Variants in TMED10 observed in about 807,000 individuals in gnomAD.
TMED10 encodes the protein transmembrane emp24 domain-containing protein 10.
A neutral mutation model predicts 23.1 loss-of-function variants in TMED10; 7 were observed. The observed-to-expected ratio is 0.30, with a 90% CI of 0.17 to 0.57. The LOEUF (loss-of-function observed/expected upper bound fraction) is 0.57, where lower values mean the gene tolerates loss of function less well. TMED10 is among the 20% of genes least tolerant of loss of function. The pLI, the probability that TMED10 is intolerant of heterozygous loss-of-function variation, is 0.91. For missense variants in TMED10, 162 were observed against 274.8 expected (o/e 0.59, Z 2.90); for synonymous variants, 113 against 106.9 (o/e 1.06, Z -0.35).
intron 1 of TMED10, among the ~76,000 whole-genome samples, chr14:75,162,281 C>G (rs1896094861): frequency 6.6e-6 from 1 of 151,922 alleles, no homozygotes; most frequent in South Asian, 2.1e-4. Flanking sequence ...AACAAACAAA[C>G]AAAAATGAAA....
chr14:75,155,469 T>C (rs1896010060), intron 1 of TMED10, among the ~76,000 whole-genome samples: 1 of 152,216 alleles, frequency 6.6e-6, no homozygotes, highest in South Asian at 2.1e-4. Context: ...TAGACATTTG[T>C]ATGGGGTGAT....
At chr14:75,142,036 G>A (rs140595979) in intron 3 of TMED10, among the ~76,000 whole-genome samples, 231 of 152,280 alleles carry the variant, frequency 1.5e-3, no homozygotes, top group African/African-American at 5.3e-3. Flanking sequence ...TTCTGCTCTT[G>A]TAAGCAGTTG....
At chr14:75,155,173 G>A (rs961775560) in intron 1 of TMED10, among the ~76,000 whole-genome samples, 56 of 152,156 alleles carry the variant, frequency 3.7e-4, no homozygotes, top group African/African-American at 1.3e-3. Flanking sequence ...TGGCCAGGCT[G>A]GTCTCCAACT....
rs879241926 is a variant in TMED10 at position 75,147,469 on chromosome 14, C to T, written c.411+195G>A. 2.8e-5 allele frequency: 18 copies of T among 646,356 alleles called. 1 individual carries two copies. The highest frequency in any genetic ancestry group is 4.3e-4 in the Middle Eastern group (1 of 2,340). 40.0% of individuals were successfully genotyped at this position (646,356 alleles called of 1,614,324 possible). ...TTGGCCTCCCAAAGTGCTGGGATTACAGGAGTGAGCCACCGCGCCCGGCTA... is the reference window on the plus strand; with the variant it reads ...TTGGCCTCCCAAAGTGCTGGGATTATAGGAGTGAGCCACCGCGCCCGGCTA... On this transcript the variant is annotated intron_variant, in intron 3 of 4. Transcript: ENST00000303575.
rs1412681250 is a variant in TMED10, at chr14:75,131,939, T to C, written c.*2946A>G. On this transcript the variant is annotated 3_prime_UTR_variant, in exon 5 of 5. Transcript: ENST00000303575. ...AAAGCATCAACGAAATAAAATATTCTCTTCTCCTATCTTCTTGACATTTTG... is the reference window on the plus strand; with the variant it reads ...AAAGCATCAACGAAATAAAATATTCCCTTCTCCTATCTTCTTGACATTTTG... The C allele has an allele frequency of 6.6e-6, 1 of 152,534 alleles. No homozygotes were observed. The highest frequency in any genetic ancestry group is 1.5e-5 in the Non-Finnish European group (1 of 68,044). The allele number at this position is 152,534 out of a possible 1,614,324, so 9.4% of individuals were successfully genotyped here.
intron 1 of TMED10, among the ~76,000 whole-genome samples, chr14:75,172,277 T>C (rs975113700): frequency 2.0e-5 from 3 of 151,902 alleles, no homozygotes; most frequent in Non-Finnish European, 2.9e-5. Context: ...AGTGGGATCA[T>C]ACTATATGGA....
intron 3 of TMED10, among the ~76,000 whole-genome samples, chr14:75,146,908 C>CAGATAGATAGAT (rs35810783): frequency 0.059 from 8,771 of 149,526 alleles, 307 homozygotes; most frequent in East Asian, 0.16. Flanking sequence ...ATCCATGCCC[C>CAGATAGATAGAT]AGATAGATAG....
intron 3 of TMED10, among the ~76,000 whole-genome samples, chr14:75,145,182 T>C (rs556289829): frequency 3.3e-5 from 5 of 152,158 alleles, no homozygotes; most frequent in African/African-American, 1.2e-4. Flanking sequence ...TGTAACTACA[T>C]GCGTAAAGGC....
chr14:75,144,573 C>A (rs540847766), intron 3 of TMED10, among the ~76,000 whole-genome samples: 3 of 152,260 alleles, frequency 2.0e-5, no homozygotes, highest in South Asian at 4.1e-4. Context: ...AATTACTATT[C>A]AATCTTACAG....
Position 75,134,113 on chromosome 14 carries a change from T to C in TMED10, c.*772A>G, listed in dbSNP as rs1895719265. 1 of 167,844 alleles carries C rather than the reference T, an allele frequency of 6.0e-6. No individual in the cohort carries two copies. Among genetic ancestry groups the C allele is most frequent in the African/African-American group, 2.4e-5 (1 of 41,516 alleles). The allele number at this position is 167,844 out of a possible 1,614,324, so 10.4% of individuals were successfully genotyped here. On this transcript the variant is annotated 3_prime_UTR_variant, in exon 5 of 5. Transcript: ENST00000303575. ...GGGGTGAGGGTATAAGAAAGGGATG[T>C]GGCTGCGGCTGTAAAAGGGCAGTGC...
At chr14:75,146,588 C>T (rs903500467) in intron 3 of TMED10, among the ~76,000 whole-genome samples, 37 of 152,036 alleles carry the variant, frequency 2.4e-4, no homozygotes, top group African/African-American at 8.9e-4. Context: ...TCAAAGGTGC[C>T]CTTCATTTGA....
At chr14:75,137,009 C>T (rs973128779) in intron 3 of TMED10, 2 of 151,448 alleles carry the variant, frequency 1.3e-5, no homozygotes, top group African/African-American at 4.9e-5. Flanking sequence ...CCAGAGCTTT[C>T]CAGATCTTTT....
chr14:75,155,046 C>T (rs1896005591), intron 1 of TMED10, among the ~76,000 whole-genome samples: 1 of 151,912 alleles, frequency 6.6e-6, no homozygotes, highest in Non-Finnish European at 1.5e-5. Flanking sequence ...GCAACCTCCG[C>T]CTTCCGGATT....
At chr14:75,143,181 G>A (rs112849734) in intron 3 of TMED10, among the ~76,000 whole-genome samples, 2,707 of 152,090 alleles carry the variant, frequency 0.018, 89 homozygotes, top group African/African-American at 0.063. Flanking sequence ...CATGAGGCCC[G>A]CCGCCTAGGA....
intron 3 of TMED10, among the ~76,000 whole-genome samples, chr14:75,137,900 G>T (rs1329526086): frequency 6.6e-6 from 1 of 151,968 alleles, no homozygotes; most frequent in African/African-American, 2.4e-5. Context: ...GTAGAGATGA[G>T]ATTTCACCAC....
chr14:75,145,689 A>C (rs1186154612), intron 3 of TMED10, among the ~76,000 whole-genome samples: 1 of 152,184 alleles, frequency 6.6e-6, no homozygotes, highest in Non-Finnish European at 1.5e-5. Context: ...CGGGAGGCTG[A>C]GGCAGGAGAA....
At chr14:75,158,901 G>A (rs1396594698) in intron 1 of TMED10, among the ~76,000 whole-genome samples, 2 of 152,044 alleles carry the variant, frequency 1.3e-5, no homozygotes, top group Non-Finnish European at 2.9e-5. Flanking sequence ...TCTAGCCTGG[G>A]CAACAAGAGT....
At chr14:75,165,377 G>C (rs531666800) in intron 1 of TMED10, among the ~76,000 whole-genome samples, 1 of 151,992 alleles carries the variant, frequency 6.6e-6, no homozygotes, top group Non-Finnish European at 1.5e-5. Flanking sequence ...ACAGGCATAC[G>C]CCACCATGCA....
At chr14:75,136,002 C>A in intron 3 of TMED10, 116 bp from the exon 4 acceptor site, 1 of 1,406,178 alleles carries the variant, frequency 7.1e-7, no homozygotes, top group East Asian at 2.4e-5. Flanking sequence ...TCTCTCCTAT[C>A]AATCATCCTA....
Sources: gnomAD v4.1 joint callset for allele counts (sites outside exome capture counted in the v4.1 genomes callset) on GRCh38, gnomAD v4.1.1 for gene constraint, MANE v1.5 for transcripts, NCBI Gene and HGNC (gene_info 2026-07-23, HGNC 2026-07-21) for gene names.